Variants in SUGT1 observed in about 807,000 individuals in gnomAD.
The protein encoded by SUGT1 is SGT1 assembly cochaperone of MIS12 kinetochore complex.
A neutral mutation model predicts 56.1 loss-of-function variants in SUGT1; 15 were observed. The observed-to-expected ratio is 0.27, with a 90% confidence interval of 0.18 to 0.41. SUGT1 has a LOEUF of 0.41. Ranked by LOEUF, SUGT1 falls within the 10% of genes least tolerant of loss-of-function variation. The pLI is 1.00. For missense variants in SUGT1, 347 were observed against 382.2 expected, an observed-to-expected ratio of 0.91 and a Z score of 0.77; for synonymous variants, 123 against 128.6, an observed-to-expected ratio of 0.96 and a Z score of 0.30.
At position 52,687,886 on chromosome 13, in the gene SUGT1, G is replaced by A. The variant is rs41292828; in HGVS notation, c.*51G>A. Reference sequence around the variant, plus strand: ...TGTGTATATTCACCTAATGCCCATTGTGTATTGATATTGCATTCTTGAATT... The same window carrying A: ...TGTGTATATTCACCTAATGCCCATTATGTATTGATATTGCATTCTTGAATT... On this transcript the variant is annotated 3_prime_UTR_variant, in exon 13 of 13. Transcript: ENST00000310528. 3.8e-3 allele frequency: 4,562 copies of A among 1,214,368 alleles called. 16 individuals are homozygous for A. Among genetic ancestry groups the A allele is most frequent in the Admixed American group, 0.012 (464 of 38,940 alleles). The allele number at this position is 1,214,368 out of a possible 1,614,324, so 75.2% of individuals were successfully genotyped here.
intron 5 of SUGT1, 109 bp from the exon 6 acceptor site, chr13:52,662,540 C>CGAGATG: frequency 1.9e-6 from 2 of 1,041,472 alleles, no homozygotes; most frequent in South Asian, 1.7e-5. Flanking sequence ...TCGCTGCCGA[C>CGAGATG]TCCCCAGTGC....
At position 52,696,627 on chromosome 13, in the gene SUGT1, G is replaced by C. The variant is rs6561684; in HGVS notation, c.*8792G>C. The C allele has an allele frequency of 0.93, 141,219 of 152,230 alleles. 65,619 individuals are homozygous for C. Among genetic ancestry groups the C allele is most frequent in the East Asian group, 0.99 (5,140 of 5,184 alleles). The allele number at this position is 152,230 out of a possible 1,614,324, so 9.4% of individuals were successfully genotyped here. A position where few individuals can be genotyped will look rare whatever the true frequency, so the allele number is the denominator to read the frequency against. ...TTTATTTGTCAATGTAAATAGAATA[G>C]TAATTTGTTTTCAAAAAGATGAGGT... On this transcript the variant is annotated 3_prime_UTR_variant, in exon 13 of 13. Coordinates refer to ENST00000310528, the MANE Select transcript of SUGT1 (RefSeq NM_006704.5).
intron 12 of SUGT1, among the ~76,000 whole-genome samples, chr13:52,684,526 A>G (rs191215171): frequency 1.3e-5 from 2 of 149,166 alleles, no homozygotes; most frequent in East Asian, 4.0e-4. Flanking sequence ...ACATTTGTCT[A>G]TTATCTATTT....
rs999004576 is a variant in SUGT1, at chr13:52,696,323, A to C, written c.*8488A>C. The C allele has an allele frequency of 4.6e-5, 7 of 152,180 alleles. No homozygotes were observed. The highest frequency in any genetic ancestry group is 1.7e-4 in the African/African-American group (7 of 41,448). 9.4% of individuals were successfully genotyped at this position (152,180 alleles called of 1,614,324 possible). ...ACTCCCCTCTCCATGCCCTCTACTG[A>C]AATGCATTGCCACTCTAGTTGTGAT... On this transcript the variant is annotated 3_prime_UTR_variant, in exon 13 of 13. Coordinates refer to ENST00000310528, the MANE Select transcript of SUGT1 (RefSeq NM_006704.5).
chr13:52,659,806 AT>A (rs1962340262), intron 5 of SUGT1, among the ~76,000 whole-genome samples: 1 of 19,694 alleles, frequency 5.1e-5, no homozygotes, highest in African/African-American at 1.4e-4. Context: ...ATATATATAT[AT>A]ATATATATTT....
chr13:52,661,648 G>A, intron 5 of SUGT1: 1 of 384,310 alleles, frequency 2.6e-6, no homozygotes, highest in Non-Finnish European at 5.1e-6. Context: ...ATCAGACAGG[G>A]TAAAGAATTG....
intron 4 of SUGT1, among the ~76,000 whole-genome samples, 177 bp downstream of exon 4, chr13:52,658,645 G>A (rs1359113294): frequency 6.6e-6 from 1 of 151,572 alleles, no homozygotes; most frequent in Non-Finnish European, 1.5e-5. Context: ...GTTAACCAAA[G>A]TATGTGATAG....
intron 10 of SUGT1, among the ~76,000 whole-genome samples, chr13:52,669,648 G>T (rs1962851343): frequency 6.6e-6 from 1 of 152,080 alleles, no homozygotes; most frequent in South Asian, 2.1e-4. Flanking sequence ...TTCTAAGGAT[G>T]TGTCCTAAAG....
chr13:52,683,347 T>G (rs1255119856), intron 12 of SUGT1, among the ~76,000 whole-genome samples: 28 of 152,232 alleles, frequency 1.8e-4, no homozygotes, highest in Admixed American at 1.8e-3. Flanking sequence ...TCAGATGTTT[T>G]GTCTGTGTTG....
chr13:52,654,199 A>AAT (rs1433827825), intron 2 of SUGT1, among the ~76,000 whole-genome samples: 2 of 152,220 alleles, frequency 1.3e-5, no homozygotes, highest in Non-Finnish European at 2.9e-5. Context: ...TTTACACCTA[A>AAT]ATATATAGAC....
rs113760476 is a variant in SUGT1, at chr13:52,680,232, A to T, written c.900+77A>T. The stretch of plus-strand genomic sequence containing the variant: ...TAAACGAGAAAATTGGTAATGTGAG[A>T]CCAAATTGCGTGTACTATAGCTGGG... On this transcript the variant is annotated intron_variant, in intron 12 of 12. Coordinates refer to ENST00000310528, the MANE Select transcript of SUGT1 (RefSeq NM_006704.5). The T allele has an allele frequency of 6.4e-6, 9 of 1,399,656 alleles. No homozygotes were observed. The African/African-American group carries it at 9.0e-5, about 14-fold the overall frequency. 86.7% of individuals were successfully genotyped at this position (1,399,656 alleles called of 1,614,324 possible).
chr13:52,660,128 C>T (rs1042845067), intron 5 of SUGT1, among the ~76,000 whole-genome samples: 34 of 151,598 alleles, frequency 2.2e-4, no homozygotes, highest in Non-Finnish European at 1.8e-4. Context: ...TGCACCCAGC[C>T]GAGAGCCAAG....
chr13:52,700,353 G>C lies in SUGT1; in HGVS notation c.*12518G>C, dbSNP rs2138204379. The C allele has an allele frequency of 6.6e-6, 1 of 152,212 alleles. No homozygotes were observed. Among genetic ancestry groups the C allele is most frequent in the East Asian group, 1.9e-4 (1 of 5,188 alleles). 9.4% of individuals were successfully genotyped at this position (152,212 alleles called of 1,614,324 possible). On this transcript the variant is annotated 3_prime_UTR_variant, in exon 13 of 13. Coordinates refer to ENST00000310528, the MANE Select transcript of SUGT1 (RefSeq NM_006704.5). ...ACCTGCATAAAAGTATTTATGTATA[G>C]ATGTACTTACCTTACACAGTAAGTA...
At chr13:52,685,952 G>T (rs925310640) in intron 12 of SUGT1, among the ~76,000 whole-genome samples, 5 of 152,136 alleles carry the variant, frequency 3.3e-5, no homozygotes, top group Non-Finnish European at 5.9e-5. Flanking sequence ...ATTTGAGAGA[G>T]AGTTTCACTC....
intron 5 of SUGT1, among the ~76,000 whole-genome samples, chr13:52,661,844 TAGTA>T (rs1356191635): frequency 6.6e-6 from 1 of 152,188 alleles, no homozygotes; most frequent in Admixed American, 6.5e-5. Flanking sequence ...TTTTATAAAT[TAGTA>T]AAGTAGAAAT....
In SUGT1 at chr13:52,657,601, A is replaced by G. The variant is rs750508379; in HGVS notation, c.166A>G (p.Ile56Val). 1 of 1,613,672 alleles carries G rather than the reference A, an allele frequency of 6.2e-7. No individual in the cohort carries two copies. Among genetic ancestry groups the G allele is most frequent in the South Asian group, 1.1e-5 (1 of 91,042 alleles). Residue 56 changes from isoleucine (I) to valine (V), a missense_variant, in exon 3 of 13, where the codon ATT (isoleucine) becomes GTT (valine). Physicochemically the swap from Ile to Val is conservative, Grantham distance 29 (BLOSUM62 3). Transcript: ENST00000310528. ...QYYCQRAYCH[I>V]LLGNYCVAVA... ...TTATTGTCAAAGAGCTTATTGTCAC[A>G]TTCTTCTTGGGAATTACTGTGGTAA...
Position 52,694,801 on chromosome 13 carries a change from G to C in SUGT1, c.*6966G>C, listed in dbSNP as rs1013747192. The C allele has an allele frequency of 3.3e-5, 5 of 152,332 alleles. No homozygotes were observed. Among genetic ancestry groups the C allele is most frequent in the African/African-American group, 1.2e-4 (5 of 41,458 alleles). 9.4% of individuals were successfully genotyped at this position (152,332 alleles called of 1,614,324 possible). ...GCCTCCCGGTTCACGCCATTCTCAT[G>C]CCTCAGCCTCCCAAGTAGCTGGGAC... On this transcript the variant is annotated 3_prime_UTR_variant, in exon 13 of 13. Transcript: ENST00000310528.
At chr13:52,671,206 A>G (rs1003241627) in intron 10 of SUGT1, among the ~76,000 whole-genome samples, 2 of 151,918 alleles carry the variant, frequency 1.3e-5, no homozygotes, top group Non-Finnish European at 2.9e-5. Flanking sequence ...TGGTGGTGAT[A>G]ATAGTGAGAT....
intron 12 of SUGT1, among the ~76,000 whole-genome samples, chr13:52,686,655 A>G (rs1358321005): frequency 6.6e-6 from 1 of 152,232 alleles, no homozygotes; most frequent in Non-Finnish European, 1.5e-5. Context: ...TGTGTAGGAT[A>G]TGTAACTGTA....
Sources: gnomAD v4.1 joint callset for allele counts (sites outside exome capture counted in the v4.1 genomes callset) on GRCh38, gnomAD v4.1.1 for gene constraint, MANE v1.5 for transcripts, NCBI Gene and HGNC (gene_info 2026-07-23, HGNC 2026-07-21) for gene names.